The following GMEB2 variants were observed in gnomAD, a reference collection of about 807,000 sequenced individuals.
GMEB2 encodes glucocorticoid modulatory element-binding protein 2.
Under a neutral mutation model 45.7 loss-of-function variants are expected in GMEB2, and 7 were observed. The ratio of observed to expected loss-of-function variants is 0.15; its 90% confidence interval spans 0.09 to 0.29. The LOEUF (loss-of-function observed/expected upper bound fraction) is 0.29, where lower values mean the gene tolerates loss of function less well. Among genes scored for constraint, GMEB2 ranks in the 10% least tolerant of loss-of-function variants. The pLI, the probability that GMEB2 is intolerant of heterozygous loss-of-function variation, is 1.00. For missense variants in GMEB2, 582 were observed against 739.2 expected, an observed-to-expected ratio of 0.79 and a Z score of 2.47; for synonymous variants, 322 against 323.6, an observed-to-expected ratio of 1.00 and a Z score of 0.05.
intron 6 of GMEB2, among the ~76,000 whole-genome samples, chr20:63,594,706 C>T (rs1371723091): frequency 6.6e-6 from 1 of 152,182 alleles, no homozygotes; most frequent in Admixed American, 6.5e-5. Flanking sequence ...CAAAGACCAC[C>T]CAGAGATGTG....
chr20:63,588,210 A>G lies in GMEB2; in HGVS notation c.*1879T>C, dbSNP rs2083110668. 6.6e-6 allele frequency: 1 copy of G among 152,526 alleles called. No homozygotes were observed. Among genetic ancestry groups the G allele is most frequent in the South Asian group, 2.1e-4 (1 of 4,836 alleles). 9.4% of individuals were successfully genotyped at this position (152,526 alleles called of 1,614,324 possible). ...AGGGGCAGGGGCAGAAAAGGTCCCA[A>G]CCCTGTTCTTAAAAAGAAAGGAAAT... On this transcript the variant is annotated 3_prime_UTR_variant, in exon 10 of 10. Coordinates refer to ENST00000370077, the MANE Select transcript of GMEB2 (RefSeq NM_012384.5).
intron 5 of GMEB2, among the ~76,000 whole-genome samples, chr20:63,596,084 C>T (rs1160382435): frequency 6.6e-6 from 1 of 152,242 alleles, no homozygotes; most frequent in African/African-American, 2.4e-5. Context: ...CCCACTACCC[C>T]AGCCCCAAGG....
Position 63,592,566 on chromosome 20 carries a change from G to T in GMEB2, c.796C>A (p.Gln266Lys). The T allele has an allele frequency of 6.2e-7, 1 of 1,611,962 alleles. No homozygotes were observed. Among genetic ancestry groups the T allele is most frequent in the Non-Finnish European group, 8.5e-7 (1 of 1,178,300 alleles). Residue 266 changes from glutamine to lysine, a missense_variant, in exon 8 of 10, where the codon CAG (glutamine) becomes AAG (lysine). Around this residue, in one of 3 missense-constraint regions of GMEB2, gnomAD observed 462 missense variants for 586.7 expected, o/e 0.79. Coordinates refer to ENST00000370077, the MANE Select transcript of GMEB2 (RefSeq NM_012384.5). The surrounding 1 kb of genome is among the most constrained non-coding windows in gnomAD (Gnocchi z 8.2). ...TGCAGGGGAGGGTCCTGGACCCGCT[G>T]CTGCAGGCCTCTCATGGTCTCCACC... Reference protein sequence around the residue: ...ELVETMRGLQQRVQDPPLQLR... With the variant: ...ELVETMRGLQKRVQDPPLQLR...
intron 4 of GMEB2, among the ~76,000 whole-genome samples, chr20:63,599,996 C>G (rs751760518): frequency 6.6e-6 from 1 of 152,120 alleles, no homozygotes; most frequent in Non-Finnish European, 1.5e-5. Context: ...ATCCATTGTC[C>G]ATAGTCAAAT....
In GMEB2 at chr20:63,587,609, A is replaced by C. The variant is rs958863710; in HGVS notation, c.*2480T>G. On this transcript the variant is annotated 3_prime_UTR_variant, in exon 10 of 10. Coordinates refer to ENST00000370077, the MANE Select transcript of GMEB2 (RefSeq NM_012384.5). ...CCAAGAGATAGACACTCAAACTATG[A>C]AAATTGTTTTTATTTTAAATCAAAG... is the stretch of plus-strand genomic sequence containing the variant. 3 of 152,386 alleles carry C rather than the reference A, an allele frequency of 2.0e-5. No individual in the cohort carries two copies. Among genetic ancestry groups the C allele is most frequent in the Admixed American group, 6.5e-5 (1 of 15,286 alleles). The allele number at this position is 152,386 out of a possible 1,614,324, so 9.4% of individuals were successfully genotyped here.
intron 1 of GMEB2, among the ~76,000 whole-genome samples, chr20:63,626,717 G>A (rs1430992700): frequency 6.7e-6 from 1 of 150,014 alleles, no homozygotes; most frequent in African/African-American, 2.4e-5. Context: ...GCGCCCGCCC[G>A]CGGCGCCAAG....
intron 2 of GMEB2, among the ~76,000 whole-genome samples, chr20:63,613,203 C>G (rs2089583657): frequency 6.6e-6 from 1 of 152,254 alleles, no homozygotes; most frequent in South Asian, 2.1e-4. Flanking sequence ...CTCTCTACTT[C>G]TCACTGTTCT....
At chr20:63,606,348 A>T (rs1170716317) in intron 2 of GMEB2, among the ~76,000 whole-genome samples, 12 of 139,642 alleles carry the variant, frequency 8.6e-5, no homozygotes, top group African/African-American at 2.9e-4. Context: ...ACCACAAACA[A>T]TTTTTTTTTT....
At chr20:63,590,893 A>G (rs2083141168) in intron 9 of GMEB2, among the ~76,000 whole-genome samples, 164 bp from the exon 10 acceptor site, 1 of 152,160 alleles carries the variant, frequency 6.6e-6, no homozygotes, top group Admixed American at 6.5e-5. Context: ...ATGGCCGCCA[A>G]AGGTGAGGTC....
At chr20:63,626,619 GCCTGCGGGGTGGTCCCTGCGGGTCGCACC>G (rs1379227342) in intron 1 of GMEB2, among the ~76,000 whole-genome samples, 5 of 149,082 alleles carry the variant, frequency 3.4e-5, no homozygotes, top group African/African-American at 9.9e-5. Context: ...CGGGTCGGGT[GCCTGCGGGGTGGTCCCTGCGGGTCGCACC>G]CCTGCGGCGT....
intron 2 of GMEB2, among the ~76,000 whole-genome samples, chr20:63,612,846 G>A (rs1243437704): frequency 6.6e-6 from 1 of 152,200 alleles, no homozygotes; most frequent in Non-Finnish European, 1.5e-5. Flanking sequence ...GCTGACGACA[G>A]GGGTTGGTGA....
rs369306422 is a variant in GMEB2, at chr20:63,599,179, C to T, written c.358-1319G>A. Among the ~76,000 whole-genome samples, 676 of 149,444 alleles carry T rather than the reference C, an allele frequency of 4.5e-3. 6 individuals carry two copies. The highest frequency in any genetic ancestry group is 4.4e-3 in the Non-Finnish European group (299 of 67,876). ...CTGACCCTCCAGCGCTAACGCGGCC[C>T]GCTCCTGACCCCCCGGAGCTAACGT... On this transcript the variant is annotated intron_variant, in intron 4 of 9. Transcript: ENST00000370077.
At chr20:63,610,378 G>A (rs1450663838) in intron 2 of GMEB2, among the ~76,000 whole-genome samples, 13 of 152,248 alleles carry the variant, frequency 8.5e-5, no homozygotes, top group African/African-American at 2.4e-4. Context: ...AAAATTAGCC[G>A]GGCGTGGTGG....
chr20:63,593,810 TC>T lies in GMEB2; in HGVS notation c.620-729del, dbSNP rs1482705739. ...ACTGAGGCGGGTGGATCACCTAAGGTCAGGAGTTCGAGAACAGCCTGGGCAA... is the reference window on the plus strand; with the variant it reads ...ACTGAGGCGGGTGGATCACCTAAGGTAGGAGTTCGAGAACAGCCTGGGCAA... On this transcript the variant is annotated intron_variant, in intron 6 of 9. Coordinates refer to ENST00000370077, the MANE Select transcript of GMEB2 (RefSeq NM_012384.5). This position sits in a 1 kb window ranked among gnomAD's most constrained non-coding sequence, Gnocchi z 4.7. 6.6e-6 allele frequency among the ~76,000 whole-genome samples: 1 copy of T among 152,116 alleles called. No individual in the cohort carries two copies. Among genetic ancestry groups the T allele is most frequent in the Admixed American group, 6.6e-5 (1 of 15,264 alleles).
rs1273268050 is a variant in GMEB2, at chr20:63,593,671, A to G, written c.620-589T>C. ...CAGAACACAACTGGGCGTGTCGTTC[A>G]TATGTGGCCATTTTGGGCGTTGCTG... On this transcript the variant is annotated intron_variant, in intron 6 of 9. Coordinates refer to ENST00000370077, the MANE Select transcript of GMEB2 (RefSeq NM_012384.5). This position sits in a 1 kb window ranked among gnomAD's most constrained non-coding sequence, Gnocchi z 4.7. Among the ~76,000 whole-genome samples the G allele has an allele frequency of 6.6e-6, 1 of 150,738 alleles. No individual in the cohort carries two copies. The highest frequency in any genetic ancestry group is 1.5e-5 in the Non-Finnish European group (1 of 68,016).
chr20:63,620,139 T>A (rs1474423406), intron 1 of GMEB2, among the ~76,000 whole-genome samples: 1 of 152,194 alleles, frequency 6.6e-6, no homozygotes, highest in Non-Finnish European at 1.5e-5. Flanking sequence ...CCTCAGGTGA[T>A]CCACTCACCT....
chr20:63,595,329 G>A (rs1000255626), intron 6 of GMEB2, among the ~76,000 whole-genome samples: 6 of 152,190 alleles, frequency 3.9e-5, no homozygotes, highest in African/African-American at 1.2e-4. Flanking sequence ...TCTGTTACTC[G>A]CTATACCCTT....
chr20:63,592,196 C>A lies in GMEB2; in HGVS notation c.830-52G>T. 6.4e-7 allele frequency: 1 copy of A among 1,570,158 alleles called. No individual in the cohort carries two copies. The highest frequency in any genetic ancestry group is 8.7e-7 in the Non-Finnish European group (1 of 1,153,848). On this transcript the variant is annotated intron_variant, in intron 8 of 9. Transcript: ENST00000370077. This position sits in a 1 kb window ranked among gnomAD's most constrained non-coding sequence, Gnocchi z 8.2. ...GAGAGCCCAAGCCCTTCCTAGAGAG[C>A]CACGCGGACGCTCGGTGAGAGCCCG...
chr20:63,598,732 A>C (rs968302780), intron 4 of GMEB2, among the ~76,000 whole-genome samples: 1 of 152,148 alleles, frequency 6.6e-6, no homozygotes, highest in Admixed American at 6.5e-5. Flanking sequence ...GCTCTCCCTC[A>C]TGCGGCTGAT....
Sources: allele counts gnomAD v4.1 joint callset (sites outside exome capture counted in the v4.1 genomes callset), GRCh38; gene constraint gnomAD v4.1.1; regional missense constraint gnomAD v4.1.1; non-coding constraint Gnocchi (gnomAD v3.1); transcripts MANE v1.5; gene names NCBI Gene and HGNC (gene_info 2026-07-23, HGNC 2026-07-21).